SERPINI2: variants seen among roughly 807,000 people sequenced by gnomAD.
SERPINI2 encodes the protein serpin family I member 2, also known as serpin I2.
SERPINI2 carries 48 observed loss-of-function variants against 47.3 expected under a neutral mutation model. That is an observed-to-expected ratio of 1.02 (90% confidence interval 0.81 to 1.29). The LOEUF (loss-of-function observed/expected upper bound fraction) is 1.29, where lower values mean the gene tolerates loss of function less well. SERPINI2 is among the 50% of genes most tolerant of loss of function. The probability of loss-of-function intolerance (pLI) is 0.00; values close to 1 mark genes in which losing one functional copy is unlikely to be tolerated. For synonymous variants in SERPINI2, 135 were observed against 149.3 expected, an observed-to-expected ratio of 0.90 and a Z score of 0.70; for missense variants, 448 against 456.9, an observed-to-expected ratio of 0.98 and a Z score of 0.18.
chr3:167,459,078 G>GTTTTTTTTTTTTTTTTTTTTTT (rs536122299), intron 5 of SERPINI2, among the ~76,000 whole-genome samples: 3 of 139,028 alleles, frequency 2.2e-5, no homozygotes, highest in African/African-American at 8.0e-5. Flanking sequence ...GTTTTTTTTT[G>GTTTTTTTTTTTTTTTTTTTTTT]TTTTTTTTTT....
chr3:167,457,932 G>C (rs1452499235), intron 5 of SERPINI2, among the ~76,000 whole-genome samples: 1 of 152,142 alleles, frequency 6.6e-6, no homozygotes, highest in Non-Finnish European at 1.5e-5. Context: ...CAGGGGTGGG[G>C]GATAAATGAG....
At chr3:167,465,050 C>G (rs1750094784) in intron 5 of SERPINI2, among the ~76,000 whole-genome samples, 156 bp downstream of exon 5, 1 of 152,144 alleles carries the variant, frequency 6.6e-6, no homozygotes, top group Non-Finnish European at 1.5e-5. Flanking sequence ...GTAAGCCCTG[C>G]TTTAGTATCC....
intron 5 of SERPINI2, among the ~76,000 whole-genome samples, chr3:167,456,150 C>CTGTGTGTGTGTGTGTGTGTG (rs68048909): frequency 2.8e-5 from 4 of 144,516 alleles, no homozygotes; most frequent in East Asian, 2.1e-4. Context: ...TCAATTACCT[C>CTGTGTGTGTGTGTGTGTGTG]TGTGTGTGTG....
At chr3:167,444,302 G>C (rs1040378674) in intron 8 of SERPINI2, among the ~76,000 whole-genome samples, 1 of 152,072 alleles carries the variant, frequency 6.6e-6, no homozygotes, top group Non-Finnish European at 1.5e-5. Context: ...AGCTTAGTAA[G>C]GGCTTTAGAG....
exon 9 of SERPINI2, chr3:167,441,971 G>C (rs1749341565): frequency 1.4e-5 from 8 of 567,760 alleles, no homozygotes; most frequent in Non-Finnish European, 2.3e-5. Flanking sequence ...TATTCATCAA[G>C]ACAGATATCT....
intron 5 of SERPINI2, among the ~76,000 whole-genome samples, chr3:167,454,956 G>A (rs1749742576): frequency 6.6e-6 from 1 of 152,134 alleles, no homozygotes; most frequent in Non-Finnish European, 1.5e-5. Flanking sequence ...TAAGGTTAAG[G>A]TAGGTTCCAG....
intron 6 of SERPINI2, among the ~76,000 whole-genome samples, 174 bp from the exon 7 acceptor site, chr3:167,449,576 C>A (rs534690219): frequency 6.6e-6 from 1 of 152,254 alleles, no homozygotes; most frequent in Non-Finnish European, 1.5e-5. Context: ...CTCACTGCAA[C>A]CTCTGCCTCC....
chr3:167,452,583 T>C (rs544264061), intron 6 of SERPINI2, among the ~76,000 whole-genome samples: 2 of 152,328 alleles, frequency 1.3e-5, no homozygotes, highest in African/African-American at 2.4e-5. Flanking sequence ...TTATAAGAGT[T>C]GTATTAGCTC....
At chr3:167,459,681 GT>G (rs11346005) in intron 5 of SERPINI2, among the ~76,000 whole-genome samples, 45,965 of 107,824 alleles carry the variant, frequency 0.43, 8,385 homozygotes, top group African/African-American at 0.58. Context: ...CTTATGGGTG[GT>G]TTTTTTTTTT....
intron 1 of SERPINI2, chr3:167,473,607 C>T: frequency 2.4e-6 from 1 of 409,104 alleles, no homozygotes; most frequent in Non-Finnish European, 4.2e-6. Context: ...GTTTCCTTCT[C>T]ATTATTATTA....
intron 5 of SERPINI2, among the ~76,000 whole-genome samples, chr3:167,455,144 A>G (rs894338948): frequency 1.3e-5 from 2 of 152,114 alleles, no homozygotes; most frequent in Non-Finnish European, 2.9e-5. Flanking sequence ...CTTTTCCTTA[A>G]TCCTCCTCTA....
At position 167,448,852 on chromosome 3, in the gene SERPINI2, A is replaced by G. The variant is rs578110375; in HGVS notation, c.1051+464T>C. Among the ~76,000 whole-genome samples, 33 of 152,332 alleles carry G rather than the reference A, an allele frequency of 2.2e-4. 1 individual carries two copies. In the Middle Eastern group the frequency reaches 0.01, roughly 47 times the overall value. ...GGCATAGGAGTTTTTAAAGCTTCCC[A>G]GGTGATTTTTATGTGCAGGTTAAGT... On this transcript the variant is annotated intron_variant, in intron 7 of 8. Coordinates refer to ENST00000264677, the Ensembl canonical transcript of SERPINI2.
chr3:167,456,633 C>T (rs554769578), intron 5 of SERPINI2, among the ~76,000 whole-genome samples: 1 of 152,274 alleles, frequency 6.6e-6, no homozygotes, highest in Admixed American at 6.5e-5. Context: ...CACCTGTTTT[C>T]AGACGTCTGG....
chr3:167,449,611 A>G (rs2108153685), intron 6 of SERPINI2, among the ~76,000 whole-genome samples: 1 of 152,232 alleles, frequency 6.6e-6, no homozygotes, highest in South Asian at 2.1e-4. Flanking sequence ...TCTACCATTC[A>G]GCCTCCCAAG....
At chr3:167,454,341 C>T (rs34381647) in intron 5 of SERPINI2, among the ~76,000 whole-genome samples, 1 of 152,140 alleles carries the variant, frequency 6.6e-6, no homozygotes, top group Non-Finnish European at 1.5e-5. Context: ...TCATTCAGAA[C>T]CCTATCTACC....
At chr3:167,465,944 T>C (rs1336592619) in intron 3 of SERPINI2, among the ~76,000 whole-genome samples, 3 of 152,164 alleles carry the variant, frequency 2.0e-5, no homozygotes, top group Non-Finnish European at 2.9e-5. Context: ...ATAAGATCAT[T>C]TGTAACCATT....
upstream of SERPINI2, among the ~76,000 whole-genome samples, chr3:167,476,699 G>A (rs896822346): frequency 5.9e-5 from 9 of 151,998 alleles, no homozygotes; most frequent in Admixed American, 3.3e-4. Context: ...GGCTCATTTA[G>A]TATTGGCTTA....
intron 5 of SERPINI2, among the ~76,000 whole-genome samples, chr3:167,454,506 T>C (rs1749732673): frequency 6.6e-6 from 1 of 152,194 alleles, no homozygotes; most frequent in Admixed American, 6.5e-5. Context: ...CTGTTTTTAT[T>C]ACCACAGTCT....
At chr3:167,446,993 T>C (rs1246756607) in intron 7 of SERPINI2, 4 of 152,160 alleles carry the variant, frequency 2.6e-5, no homozygotes, top group Admixed American at 2.6e-4. Flanking sequence ...GAGATTTTTA[T>C]TATGAGATTT....
Sources: allele counts gnomAD v4.1 joint callset (sites outside exome capture counted in the v4.1 genomes callset), GRCh38; gene constraint gnomAD v4.1.1; transcripts MANE v1.5; gene names NCBI Gene and HGNC (gene_info 2026-07-23, HGNC 2026-07-21).